Variants in MAGI2 observed in about 807,000 individuals in gnomAD.
MAGI2 encodes the protein membrane associated guanylate kinase, WW and PDZ domain containing 2, also known as membrane-associated guanylate kinase, WW and PDZ domain-containing protein 2.
In MAGI2, 35 loss-of-function variants were observed where a neutral mutation model predicts 133.3. That is an observed-to-expected ratio of 0.26 (90% CI 0.20 to 0.35). The LOEUF is 0.35. Ranked by LOEUF, MAGI2 falls within the 10% of genes least tolerant of loss-of-function variation. The pLI is 1.00. For missense variants in MAGI2, 1,636 were observed against 1,863.4 expected (o/e 0.88, Z 2.25); for synonymous variants, 729 against 710.6 (o/e 1.03, Z -0.41).
intron 2 of MAGI2, among the ~76,000 whole-genome samples, chr7:78,913,588 T>C (rs72611101): frequency 0.028 from 4,263 of 152,246 alleles, 267 homozygotes; most frequent in East Asian, 0.18. Context: ...GAAGAGTAAC[T>C]CCTAGAGCAT....
At chr7:79,299,264 G>T (rs1193997891) in intron 1 of MAGI2, among the ~76,000 whole-genome samples, 1 of 151,948 alleles carries the variant, frequency 6.6e-6, no homozygotes, top group Non-Finnish European at 1.5e-5. Flanking sequence ...GCAGAGAAAT[G>T]GGAATGAGAA....
At chr7:78,782,798 T>TA (rs139862242) in intron 2 of MAGI2, among the ~76,000 whole-genome samples, 40 of 152,146 alleles carry the variant, frequency 2.6e-4, no homozygotes, top group African/African-American at 9.4e-4. Flanking sequence ...TTGACAGTAC[T>TA]AAGCAGATCC....
At chr7:78,118,274 A>G (rs957577527) in intron 20 of MAGI2, among the ~76,000 whole-genome samples, 2 of 152,186 alleles carry the variant, frequency 1.3e-5, no homozygotes, top group Non-Finnish European at 2.9e-5. Context: ...CAGAAAATCT[A>G]TAAGACCTTG....
intron 20 of MAGI2, among the ~76,000 whole-genome samples, chr7:78,124,613 C>A (rs1249674415): frequency 2.0e-5 from 3 of 151,994 alleles, no homozygotes; most frequent in Non-Finnish European, 2.9e-5. Flanking sequence ...AAAGCCACAG[C>A]TTTTCTTTAT....
chr7:78,293,076 T>A (rs1209892905), intron 9 of MAGI2, among the ~76,000 whole-genome samples: 6 of 152,122 alleles, frequency 3.9e-5, no homozygotes, highest in Non-Finnish European at 5.9e-5. Context: ...AAGCCCAAAT[T>A]GACAAATGGG....
intron 3 of MAGI2, among the ~76,000 whole-genome samples, chr7:78,553,731 A>T (rs1440010015): frequency 6.6e-6 from 1 of 152,260 alleles, no homozygotes; most frequent in African/African-American, 2.4e-5. Flanking sequence ...CAGAGCTCAG[A>T]GAAATCATAT....
chr7:78,177,521 C>A (rs1826773524), intron 14 of MAGI2, among the ~76,000 whole-genome samples: 1 of 152,120 alleles, frequency 6.6e-6, no homozygotes. Flanking sequence ...ATTAGGCCAA[C>A]TGCAGTTGAC....
intron 2 of MAGI2, among the ~76,000 whole-genome samples, chr7:78,753,333 A>G (rs1457617649): frequency 6.6e-6 from 1 of 152,154 alleles, no homozygotes; most frequent in African/African-American, 2.4e-5. Flanking sequence ...TGAAAAAAAA[A>G]TTTGCTAGCT....
In MAGI2 at chr7:79,221,427, G is replaced by A. The variant is rs1331618636; in HGVS notation, c.302-214221C>T. Among the ~76,000 whole-genome samples, 4 of 151,966 alleles carry A rather than the reference G, an allele frequency of 2.6e-5. No homozygotes were observed. The East Asian group carries it at 5.8e-4, about 22-fold the overall frequency. ...GGTGCACAGCAGGAAACCAGAGACA[G>A]GGTGCGGTTTATGGTAGGTAATGCA... On this transcript the variant is annotated intron_variant, in intron 1 of 21. Transcript: ENST00000354212.
chr7:79,396,388 C>G (rs1014980688), intron 1 of MAGI2, among the ~76,000 whole-genome samples: 1 of 152,140 alleles, frequency 6.6e-6, no homozygotes, highest in Non-Finnish European at 1.5e-5. Context: ...TGCCCACTGA[C>G]CAGGAAAATC....
intron 6 of MAGI2, chr7:78,486,972 G>A (rs34037367): frequency 0.16 from 84,741 of 522,360 alleles, 7,773 homozygotes; most frequent in East Asian, 0.37. Context: ...GCTGGCAGTG[G>A]AAATCCCTGA....
chr7:78,529,350 G>C (rs1797241056), intron 3 of MAGI2, among the ~76,000 whole-genome samples: 1 of 152,162 alleles, frequency 6.6e-6, no homozygotes, highest in Admixed American at 6.5e-5. Flanking sequence ...TCCTTCAGTG[G>C]CTCTTCCCTT....
intron 2 of MAGI2, among the ~76,000 whole-genome samples, chr7:78,668,055 T>C (rs915257002): frequency 6.6e-6 from 1 of 152,138 alleles, no homozygotes; most frequent in Admixed American, 6.6e-5. Flanking sequence ...CCAGCACCTG[T>C]TGTTTCCTGA....
chr7:79,375,920 T>C (rs1843348228), intron 1 of MAGI2, among the ~76,000 whole-genome samples: 1 of 151,970 alleles, frequency 6.6e-6, no homozygotes, highest in Admixed American at 6.6e-5. Flanking sequence ...AGATATATGC[T>C]TTAAATGACC....
chr7:78,565,770 T>A (rs998438580), intron 3 of MAGI2, among the ~76,000 whole-genome samples: 5 of 152,212 alleles, frequency 3.3e-5, no homozygotes, highest in Non-Finnish European at 7.3e-5. Flanking sequence ...CAAAGAAGCA[T>A]CATTTAGTAC....
chr7:78,084,212 C>G, intron 20 of MAGI2, among the ~76,000 whole-genome samples: 1 of 152,200 alleles, frequency 6.6e-6, no homozygotes, highest in South Asian at 2.1e-4. Flanking sequence ...TGAATAATCT[C>G]TATTCCTTAT....
intron 5 of MAGI2, among the ~76,000 whole-genome samples, chr7:78,497,392 CA>C (rs376644524): frequency 1.9e-3 from 285 of 152,228 alleles, no homozygotes; most frequent in Middle Eastern, 6.8e-3. Flanking sequence ...TATCAATCAT[CA>C]AAAGAAGCAG....
intron 6 of MAGI2, among the ~76,000 whole-genome samples, chr7:78,426,079 G>C (rs1799248909): frequency 6.6e-6 from 1 of 152,206 alleles, no homozygotes; most frequent in East Asian, 1.9e-4. Flanking sequence ...ACTACATTAA[G>C]GAAAGTATGA....
intron 20 of MAGI2, among the ~76,000 whole-genome samples, chr7:78,118,556 C>T (rs1820103649): frequency 6.6e-6 from 1 of 152,062 alleles, no homozygotes; most frequent in Non-Finnish European, 1.5e-5. Flanking sequence ...TAACAGATAC[C>T]TCACCAAAGA....
Sources: allele counts gnomAD v4.1 joint callset (sites outside exome capture counted in the v4.1 genomes callset), GRCh38; gene constraint gnomAD v4.1.1; transcripts MANE v1.5; gene names NCBI Gene and HGNC (gene_info 2026-07-23, HGNC 2026-07-21).